Variants in SASH1 observed in about 807,000 individuals in gnomAD.
SASH1 encodes SAM and SH3 domain containing 1.
In SASH1, 44 loss-of-function variants were observed where a neutral mutation model predicts 125.2. That is an observed-to-expected ratio of 0.35 (90% CI 0.28 to 0.45). SASH1 has a LOEUF of 0.45. Ranked by LOEUF, SASH1 falls within the 20% of genes least tolerant of loss-of-function variation. The pLI, the probability that SASH1 is intolerant of heterozygous loss-of-function variation, is 1.00. For synonymous variants in SASH1, 639 were observed against 649.1 expected (o/e 0.98, Z 0.24); for missense variants, 1,426 against 1,614.5 (o/e 0.88, Z 2.00).
Position 148,474,204 on chromosome 6 carries a change from T to C in SASH1, c.609T>C (p.Ile203=). 6.2e-7 allele frequency: 1 copy of C among 1,602,284 alleles called. No homozygotes were observed. The highest frequency in any genetic ancestry group is 8.5e-7 in the Non-Finnish European group (1 of 1,172,958). Reference sequence around the variant, plus strand: ...TGGTCAAAGAAAAGATGATCACAATTGAGGAAGCACTTGCTAGGGTAAGCA... The same window carrying C: ...TGGTCAAAGAAAAGATGATCACAATCGAGGAAGCACTTGCTAGGGTAAGCA... The part of the protein sequence containing the change: ...MMMVKEKMIT[I]EEALARLKEY... The change falls in exon 7 of 20, where the codon ATT becomes ATC. Residue 203 remains isoleucine (I), a synonymous_variant. Coordinates refer to ENST00000367467, the MANE Select transcript of SASH1 (RefSeq NM_015278.5).
chr6:148,208,689 CTG>C, the SASH1 span, among the ~76,000 whole-genome samples: 1 of 152,156 alleles, frequency 6.6e-6, no homozygotes, highest in African/African-American at 2.4e-5. Flanking sequence ...ATTGGAGAAA[CTG>C]TCTTTTCTGA....
chr6:148,435,378 CAAAA>C lies in SASH1; in HGVS notation c.286-4790_286-4787del, dbSNP rs35272119. 2.8e-4 allele frequency among the ~76,000 whole-genome samples: 29 copies of C among 104,400 alleles called. 1 individual carries two copies. In the East Asian group the frequency reaches 4.2e-3, roughly 15 times the overall value. 68.5% of individuals were successfully genotyped at this position (104,400 alleles called of 152,430 possible). Reference sequence around the variant, plus strand: ...TGGGAGACAGAGCCAGACTCTGACTCAAAAAAAAAAAAAAAAAAAGGATAGTATA... The same window carrying C: ...TGGGAGACAGAGCCAGACTCTGACTCAAAAAAAAAAAAAAAGGATAGTATA... On this transcript the variant is annotated intron_variant, in intron 2 of 19. Coordinates refer to ENST00000367467, the MANE Select transcript of SASH1 (RefSeq NM_015278.5).
chr6:148,514,097 A>G, intron 8 of SASH1: 1 of 1,256,272 alleles, frequency 8.0e-7, no homozygotes, highest in Non-Finnish European at 1.0e-6. Context: ...CTTGCCCTTG[A>G]GGGCAAGGAT....
At chr6:148,424,970 C>T (rs534868584) in intron 2 of SASH1, among the ~76,000 whole-genome samples, 3 of 152,260 alleles carry the variant, frequency 2.0e-5, no homozygotes, top group Non-Finnish European at 2.9e-5. Flanking sequence ...GTTTGAGAAC[C>T]GCTGACAGGG....
chr6:148,399,340 C>T (rs1403683406), intron 2 of SASH1, among the ~76,000 whole-genome samples: 1 of 150,250 alleles, frequency 6.7e-6, no homozygotes, highest in Non-Finnish European at 1.5e-5. Flanking sequence ...GCCTCAGCCT[C>T]TCAAGTTCTC....
chr6:148,215,650 T>C, the SASH1 span, among the ~76,000 whole-genome samples: 2 of 152,110 alleles, frequency 1.3e-5, no homozygotes, highest in African/African-American at 4.8e-5. Flanking sequence ...CTCTACGAGG[T>C]ATCATAGAAA....
chr6:148,435,122 G>A (rs1776239270), intron 2 of SASH1, among the ~76,000 whole-genome samples: 1 of 152,090 alleles, frequency 6.6e-6, no homozygotes, highest in Admixed American at 6.5e-5. Flanking sequence ...TAGCATTTTG[G>A]GAGGCCGAAG....
chr6:148,523,188 C>T (rs1166385216), intron 10 of SASH1, among the ~76,000 whole-genome samples: 1 of 152,144 alleles, frequency 6.6e-6, no homozygotes, highest in African/African-American at 2.4e-5. Context: ...GCAGTAGATG[C>T]TGTGGTTTAA....
At chr6:148,526,005 C>T (rs990512834) in intron 11 of SASH1, among the ~76,000 whole-genome samples, 1 of 142,614 alleles carries the variant, frequency 7.0e-6, no homozygotes, top group South Asian at 2.3e-4. Context: ...AGTTTTGTTT[C>T]CTGAAATTTG....
intron 4 of SASH1, among the ~76,000 whole-genome samples, chr6:148,446,316 G>A (rs1437482742): frequency 6.6e-6 from 1 of 151,888 alleles, no homozygotes. Flanking sequence ...CACCGTGTTA[G>A]CCAGGATGGT....
At chr6:148,330,588 T>C (rs1780964579) in intron 1 of SASH1, among the ~76,000 whole-genome samples, 1 of 152,160 alleles carries the variant, frequency 6.6e-6, no homozygotes, top group South Asian at 2.1e-4. Flanking sequence ...TTATTTTTAC[T>C]TTTTTATTTT....
rs1782933844 is a variant in SASH1, at chr6:148,377,156, C to T, written c.157-12978C>T. ...CTGCACTCCAGCCTGGGCGACAGAG[C>T]GAGACTCCGTCTCAAAAAAAAAAAA... is the stretch of plus-strand genomic sequence containing the variant. On this transcript the variant is annotated intron_variant, in intron 1 of 19. Transcript: ENST00000367467. Among the ~76,000 whole-genome samples, 3 of 118,660 alleles carry T rather than the reference C, an allele frequency of 2.5e-5. No individual in the cohort carries two copies. In the South Asian group the frequency reaches 8.3e-4, roughly 33 times the overall value. 77.8% of individuals were successfully genotyped at this position (118,660 alleles called of 152,430 possible).
At chr6:148,508,652 T>C (rs1221012821) in intron 8 of SASH1, 2 of 1,161,890 alleles carry the variant, frequency 1.7e-6, no homozygotes, top group Non-Finnish European at 2.2e-6. Context: ...AAGAAGCTAA[T>C]TGAATCCAGT....
At chr6:148,206,073 C>T in the SASH1 span, among the ~76,000 whole-genome samples, 1 of 152,082 alleles carries the variant, frequency 6.6e-6, no homozygotes, top group Admixed American at 6.6e-5. Context: ...CAAATGTCAG[C>T]ATAAAGATAA....
chr6:148,285,621 G>T (rs1324499388), intron 1 of SASH1, among the ~76,000 whole-genome samples: 1 of 151,812 alleles, frequency 6.6e-6, no homozygotes, highest in African/African-American at 2.4e-5. Flanking sequence ...AACAGACATT[G>T]ATCAGATCTT....
chr6:148,299,716 C>A (rs1175987566), intron 1 of SASH1, among the ~76,000 whole-genome samples: 3 of 148,848 alleles, frequency 2.0e-5, no homozygotes, highest in Admixed American at 2.0e-4. Flanking sequence ...GGTTTGATGG[C>A]TGAAAATGAT....
rs1554242964 is a variant in SASH1 at position 148,360,643 on chromosome 6, C to CA, written c.156+17420_156+17421insA. Among the ~76,000 whole-genome samples the CA allele has an allele frequency of 7.5e-5, 11 of 146,894 alleles. 1 individual carries two copies. The highest frequency in any genetic ancestry group is 2.2e-4 in the African/African-American group (9 of 40,468). ...GGATTACAGGCGTGAGCCACCCCCC[C>CA]GCCAGGCTTTAAAGCCTTTTTAACA... On this transcript the variant is annotated intron_variant, in intron 1 of 19. Coordinates refer to ENST00000367467, the MANE Select transcript of SASH1 (RefSeq NM_015278.5).
rs1051267190 is a variant in SASH1 at position 148,487,640 on chromosome 6, G to T, written c.654G>T (p.Arg218=). 1.4e-5 allele frequency: 23 copies of T among 1,613,344 alleles called. No individual in the cohort carries two copies. The highest frequency in any genetic ancestry group is 1.9e-5 in the Non-Finnish European group (23 of 1,179,658). ...ARLKEYEAQH[R]QSAALDPADW... ...TCAAGGAATACGAGGCCCAGCACCG[G>T]CAGTCGGCTGCCCTGGACCCTGCTG... Residue 218 remains arginine (R), a synonymous_variant, in exon 8 of 20, where the codon CGG becomes CGT. Transcript: ENST00000367467.
the SASH1 span, among the ~76,000 whole-genome samples, chr6:148,194,115 T>A: frequency 1.3e-5 from 2 of 152,206 alleles, no homozygotes; most frequent in African/African-American, 4.8e-5. Context: ...CTGAACATAT[T>A]CGTACCTGCC....
Sources: gnomAD v4.1 joint callset for allele counts (sites outside exome capture counted in the v4.1 genomes callset) on GRCh38, gnomAD v4.1.1 for gene constraint, MANE v1.5 for transcripts, NCBI Gene and HGNC (gene_info 2026-07-23, HGNC 2026-07-21) for gene names.